XXYLT1: variants seen among roughly 807,000 people sequenced by gnomAD.
The protein encoded by XXYLT1 is UDP-xylose:alpha-xyloside alpha-1,3-xylosyltransferase.
Under a neutral mutation model 28.9 loss-of-function variants are expected in XXYLT1, and 20 were observed. That is an observed-to-expected ratio of 0.69 (90% CI 0.49 to 1.00). The LOEUF (loss-of-function observed/expected upper bound fraction) is 1.00, where lower values mean the gene tolerates loss of function less well. XXYLT1 is among the 50% of genes least tolerant of loss of function. The probability of loss-of-function intolerance (pLI) is 0.00; values close to 1 mark genes in which losing one functional copy is unlikely to be tolerated. For synonymous variants in XXYLT1, 257 were observed against 253.8 expected (o/e 1.01, Z -0.12); for missense variants, 542 against 560.1 (o/e 0.97, Z 0.33).
chr3:195,226,681 G>C (rs374359584), intron 2 of XXYLT1, 28 bp downstream of exon 2: 1 of 1,607,700 alleles, frequency 6.2e-7, no homozygotes, highest in Non-Finnish European at 8.5e-7. Flanking sequence ...GACACCCAGG[G>C]GCTATTGCTC....
intron 3 of XXYLT1, among the ~76,000 whole-genome samples, chr3:195,073,601 G>A (rs191947176): frequency 4.5e-4 from 68 of 152,192 alleles, no homozygotes; most frequent in African/African-American, 1.5e-3. Flanking sequence ...ACGGTAGAGG[G>A]GATAAGCCTT....
At chr3:195,221,971 G>A (rs974944278) in intron 2 of XXYLT1, among the ~76,000 whole-genome samples, 1 of 152,126 alleles carries the variant, frequency 6.6e-6, no homozygotes, top group African/African-American at 2.4e-5. Flanking sequence ...AGCATGTCCC[G>A]CCTGGCAGGA....
chr3:195,202,952 A>C (rs1406445661), intron 2 of XXYLT1, among the ~76,000 whole-genome samples: 1 of 152,146 alleles, frequency 6.6e-6, no homozygotes, highest in African/African-American at 2.4e-5. Context: ...AAAAGTCACA[A>C]GATAGACCTG....
rs1217955809 is a variant in XXYLT1, at chr3:195,124,694, C to T, written c.785+31755G>A. On this transcript the variant is annotated intron_variant, in intron 3 of 3. Transcript: ENST00000310380. The surrounding 1 kb of genome is among the most constrained non-coding windows in gnomAD (Gnocchi z 4.1). Reference sequence around the variant, plus strand: ...TTCCAAAAACCCAAGACACTTTGAACCCCGTGGGAGTGTGGACCCCACATC... The same window carrying T: ...TTCCAAAAACCCAAGACACTTTGAATCCCGTGGGAGTGTGGACCCCACATC... Among the ~76,000 whole-genome samples, 3 of 152,138 alleles carry T rather than the reference C, an allele frequency of 2.0e-5. No homozygotes were observed. Among genetic ancestry groups the T allele is most frequent in the African/African-American group, 4.8e-5 (2 of 41,428 alleles).
At chr3:195,188,685 G>C (rs888738230) in intron 2 of XXYLT1, among the ~76,000 whole-genome samples, 15 of 152,226 alleles carry the variant, frequency 9.9e-5, no homozygotes, top group Non-Finnish European at 1.0e-4. Flanking sequence ...GGGCTTGCTT[G>C]TCCTGCATCA....
chr3:195,106,561 C>T (rs999444826), intron 3 of XXYLT1, among the ~76,000 whole-genome samples: 3 of 152,188 alleles, frequency 2.0e-5, no homozygotes, highest in Non-Finnish European at 2.9e-5. Flanking sequence ...GTTCTTAGAC[C>T]CGCGTGCAGA....
At chr3:195,112,364 G>A (rs1362199962) in intron 3 of XXYLT1, among the ~76,000 whole-genome samples, 5 of 152,116 alleles carry the variant, frequency 3.3e-5, no homozygotes, top group African/African-American at 4.8e-5. Flanking sequence ...CTCGGGGCAG[G>A]GCCATCGAGC....
At chr3:195,239,325 G>C (rs1048545225) in intron 1 of XXYLT1, among the ~76,000 whole-genome samples, 2 of 152,152 alleles carry the variant, frequency 1.3e-5, no homozygotes, top group Non-Finnish European at 2.9e-5. Context: ...CTGATGCCTG[G>C]CAGTGCGGCA....
At chr3:195,110,204 TG>T (rs1408291899) in intron 3 of XXYLT1, among the ~76,000 whole-genome samples, 3 of 61,524 alleles carry the variant, frequency 4.9e-5, no homozygotes, top group Admixed American at 1.8e-4. Flanking sequence ...GGTGTATGTG[TG>T]GTGTGTGCGT....
chr3:195,111,052 GT>G (rs1298872226), intron 3 of XXYLT1, among the ~76,000 whole-genome samples: 1 of 152,064 alleles, frequency 6.6e-6, no homozygotes, highest in Admixed American at 6.6e-5. Context: ...GAGGCTAGAA[GT>G]CTGAGATCAT....
In XXYLT1 at chr3:195,195,533, T is replaced by C. The variant is rs1577132503; in HGVS notation, c.652+31176A>G. Among the ~76,000 whole-genome samples the C allele has an allele frequency of 6.6e-6, 1 of 152,252 alleles. No individual in the cohort carries two copies. The highest frequency in any genetic ancestry group is 1.9e-4 in the East Asian group (1 of 5,204). On this transcript the variant is annotated intron_variant, in intron 2 of 3. Coordinates refer to ENST00000310380, the MANE Select transcript of XXYLT1 (RefSeq NM_152531.5). The surrounding 1 kb of genome is among the most constrained non-coding windows in gnomAD (Gnocchi z 4.4). ...AAAAAAATAAAAGGACTCTCTTTTC[T>C]GTGTGTTCCTTTGTTCCTGGAACCA...
intron 3 of XXYLT1, among the ~76,000 whole-genome samples, chr3:195,135,697 T>C (rs1303194363): frequency 6.6e-6 from 1 of 152,136 alleles, no homozygotes; most frequent in East Asian, 1.9e-4. Context: ...ACACGGAAAC[T>C]CAGACTGGAA....
intron 1 of XXYLT1, among the ~76,000 whole-genome samples, chr3:195,244,230 A>T (rs1190329502): frequency 6.6e-6 from 1 of 152,192 alleles, no homozygotes; most frequent in East Asian, 1.9e-4. Context: ...ACACAAAGAC[A>T]CCGGCCCACT....
chr3:195,143,728 G>A (rs1719607487), intron 3 of XXYLT1, among the ~76,000 whole-genome samples: 1 of 146,478 alleles, frequency 6.8e-6, no homozygotes, highest in Non-Finnish European at 1.5e-5. Flanking sequence ...GTTGCAGTAT[G>A]TTACATTTAC....
In XXYLT1 at chr3:195,133,109, G is replaced by T. The variant is rs562059199; in HGVS notation, c.785+23340C>A. ...GTGGGCAAGTGTAAGCACCAGCATG[G>T]TCTCAGGGACCTGACAGAAGGAGGG... On this transcript the variant is annotated intron_variant, in intron 3 of 3. Coordinates refer to ENST00000310380, the MANE Select transcript of XXYLT1 (RefSeq NM_152531.5). This position sits in a 1 kb window ranked among gnomAD's most constrained non-coding sequence, Gnocchi z 4.4. Among the ~76,000 whole-genome samples the T allele has an allele frequency of 2.0e-5, 3 of 152,266 alleles. No homozygotes were observed. The East Asian group carries it at 5.8e-4, about 29-fold the overall frequency.
At chr3:195,222,846 CAG>C (rs1157630041) in intron 2 of XXYLT1, among the ~76,000 whole-genome samples, 1 of 152,058 alleles carries the variant, frequency 6.6e-6, no homozygotes, top group Non-Finnish European at 1.5e-5. Context: ...AAAAAAGACT[CAG>C]AATGATTTGA....
chr3:195,197,831 C>A (rs1722690167), intron 2 of XXYLT1, among the ~76,000 whole-genome samples: 1 of 152,192 alleles, frequency 6.6e-6, no homozygotes, highest in Non-Finnish European at 1.5e-5. Flanking sequence ...GAAACACTGT[C>A]CACTTAGTCT....
At chr3:195,112,916 G>A (rs1717855722) in intron 3 of XXYLT1, among the ~76,000 whole-genome samples, 1 of 152,204 alleles carries the variant, frequency 6.6e-6, no homozygotes, top group Non-Finnish European at 1.5e-5. Context: ...TCCAGCCCCA[G>A]GTGGTGGGAA....
In XXYLT1 at chr3:195,173,721, G is replaced by A. The variant is rs1428813391; in HGVS notation, c.653-17140C>T. ...CCTACTGAAAGGCATCGTGGATAAA[G>A]TGAACTTCACTTTAGAAAGCAGAAG... On this transcript the variant is annotated intron_variant, in intron 2 of 3. Transcript: ENST00000310380. The surrounding 1 kb of genome is among the most constrained non-coding windows in gnomAD (Gnocchi z 4.3). 1.3e-5 allele frequency among the ~76,000 whole-genome samples: 2 copies of A among 152,222 alleles called. No homozygotes were observed. The highest frequency in any genetic ancestry group is 4.8e-5 in the African/African-American group (2 of 41,458).
Sources: allele counts gnomAD v4.1 joint callset (sites outside exome capture counted in the v4.1 genomes callset), GRCh38; gene constraint gnomAD v4.1.1; non-coding constraint Gnocchi (gnomAD v3.1); transcripts MANE v1.5; gene names NCBI Gene and HGNC (gene_info 2026-07-23, HGNC 2026-07-21).